Variants in SS18L2 observed in about 807,000 individuals in gnomAD.
The protein encoded by SS18L2 is SS18 like 2, also known as SS18-like protein 2.
A neutral mutation model predicts 10.3 loss-of-function variants in SS18L2; 8 were observed. The observed-to-expected ratio is 0.78, with a 90% CI of 0.46 to 1.41. SS18L2 has a LOEUF of 1.41. Ranked by LOEUF, SS18L2 falls within the 40% of genes most tolerant of loss-of-function variation. SS18L2 has a pLI of 0.00. For missense variants in SS18L2, 100 were observed against 96.2 expected (o/e 1.04, Z -0.17); for synonymous variants, 41 against 34.6 (o/e 1.19, Z -0.65).
chr3:42,588,096 A>G (rs1030548329), upstream of SS18L2, among the ~76,000 whole-genome samples: 1 of 151,002 alleles, frequency 6.6e-6, no homozygotes, highest in Non-Finnish European at 1.5e-5. Context: ...AAAAACAACA[A>G]TAACAACAAC....
At chr3:42,590,763 G>C (rs1194666598), upstream of SS18L2, 11 of 913,098 alleles carry the variant, frequency 1.2e-5, no homozygotes, top group Non-Finnish European at 1.8e-5. Flanking sequence ...TATAGCTCTT[G>C]CGCGTCCAGT....
upstream of SS18L2, among the ~76,000 whole-genome samples, chr3:42,588,408 A>AAAC (rs1434845046): frequency 6.6e-6 from 1 of 152,178 alleles, no homozygotes; most frequent in African/African-American, 2.4e-5. Context: ...TTGTATCAAA[A>AAAC]AACAACAACA....
At chr3:42,591,041 T>C (rs1299196658) in intron 1 of SS18L2, 75 bp downstream of exon 1, 4 of 1,481,706 alleles carry the variant, frequency 2.7e-6, no homozygotes, top group Middle Eastern at 2.3e-4. Flanking sequence ...GCGAGAAGCA[T>C]CCTGTAGTGA....
upstream of SS18L2, chr3:42,590,722 T>G: frequency 1.4e-6 from 1 of 702,280 alleles, no homozygotes; most frequent in African/African-American, 1.8e-5. Flanking sequence ...CCCCCGGCGT[T>G]CTGGGGGCTG....
rs1045915751 is a variant in SS18L2 at position 42,596,398 on chromosome 3, C to T, written c.*1889C>T. Among the ~76,000 whole-genome samples, 1 of 152,172 alleles carries T rather than the reference C, an allele frequency of 6.6e-6. No individual in the cohort carries two copies. The highest frequency in any genetic ancestry group is 2.4e-5 in the African/African-American group (1 of 41,428). On this transcript the variant is annotated 3_prime_UTR_variant, in exon 3 of 3. Coordinates refer to ENST00000011691, the MANE Select transcript of SS18L2 (RefSeq NM_001370300.1). Reference sequence around the variant, plus strand: ...CCTGATGGTTTTCCAGAGTCCTATCCCCTGAAGTTCTAATTGCTGGCATAA... The same window carrying T: ...CCTGATGGTTTTCCAGAGTCCTATCTCCTGAAGTTCTAATTGCTGGCATAA...
chr3:42,584,124 TATAG>T (rs1481299423), intron 1 of SS18L2, among the ~76,000 whole-genome samples: 2 of 152,194 alleles, frequency 1.3e-5, no homozygotes, highest in Non-Finnish European at 2.9e-5. Context: ...CCCATATATC[TATAG>T]ATATAGATCT....
upstream of SS18L2, among the ~76,000 whole-genome samples, chr3:42,586,801 C>T (rs552683798): frequency 6.6e-6 from 1 of 152,320 alleles, no homozygotes; most frequent in African/African-American, 2.4e-5. Context: ...GCCTTTGTCC[C>T]TGAGTTTCAG....
chr3:42,589,555 G>T (rs1415779529), upstream of SS18L2, among the ~76,000 whole-genome samples: 8 of 152,216 alleles, frequency 5.3e-5, no homozygotes, highest in Admixed American at 3.9e-4. Flanking sequence ...GAGGTGAGCA[G>T]AGGGCGGATA....
At position 42,590,882 on chromosome 3, in the gene SS18L2, C is replaced by G. The variant is rs1278524440; in HGVS notation, c.-16C>G. On this transcript the variant is annotated 5_prime_UTR_variant, in exon 1 of 3. Coordinates refer to ENST00000011691, the MANE Select transcript of SS18L2 (RefSeq NM_001370300.1). ...GTCGAGTTGCTTGGCGGTCGTGGTT[C>G]CGGAGGTTCCTCGGGATGTCGGTGG... 5.7e-6 allele frequency: 9 copies of G among 1,584,724 alleles called. No individual in the cohort carries two copies. The highest frequency in any genetic ancestry group is 2.7e-5 in the African/African-American group (2 of 73,860).
Position 42,595,391 on chromosome 3 carries a change from A to G in SS18L2, c.*882A>G, listed in dbSNP as rs890768038. On this transcript the variant is annotated 3_prime_UTR_variant, in exon 3 of 3. Coordinates refer to ENST00000011691, the MANE Select transcript of SS18L2 (RefSeq NM_001370300.1). ...GTAGTGTTGTTAATTATGTGCCACTATCATCCACTTTTCCTGTAAACTAGT... is the reference window on the plus strand; with the variant it reads ...GTAGTGTTGTTAATTATGTGCCACTGTCATCCACTTTTCCTGTAAACTAGT... Among the ~76,000 whole-genome samples the G allele has an allele frequency of 8.5e-5, 13 of 152,220 alleles. No homozygotes were observed. Among genetic ancestry groups the G allele is most frequent in the Non-Finnish European group, 1.9e-4 (13 of 68,042 alleles).
chr3:42,590,936 G>A lies in SS18L2; in HGVS notation c.39G>A (p.Lys13=), dbSNP rs778676148. ...TCGTACCGGACTGGCTGAGGGGCAAGGCGGAAGTCAATCAAGAGACTATCC... is the reference window on the plus strand; with the variant it reads ...TCGTACCGGACTGGCTGAGGGGCAAAGCGGAAGTCAATCAAGAGACTATCC... ...VAFVPDWLRG[K]AEVNQETIQR... The change falls in exon 1 of 3, where the codon AAG becomes AAA. Residue 13 remains lysine (K), a synonymous_variant. Coordinates refer to ENST00000011691, the MANE Select transcript of SS18L2 (RefSeq NM_001370300.1). 44 of 1,612,336 alleles carry A rather than the reference G, an allele frequency of 2.7e-5. No homozygotes were observed. The Admixed American group carries it at 7.2e-4, about 26-fold the overall frequency.
At chr3:42,590,704 C>T, upstream of SS18L2, 2 of 649,384 alleles carry the variant, frequency 3.1e-6, no homozygotes, top group African/African-American at 1.8e-5. Flanking sequence ...GCAAAGGATA[C>T]GAAAACGCCC....
At chr3:42,590,761 T>C (rs1704794423), upstream of SS18L2, 3 of 905,026 alleles carry the variant, frequency 3.3e-6, no homozygotes, top group South Asian at 1.3e-5. Flanking sequence ...AGTATAGCTC[T>C]TGCGCGTCCA....
intron 1 of SS18L2, 199 bp from the exon 2 acceptor site, chr3:42,591,326 G>A (rs1423566348): frequency 1.7e-5 from 10 of 595,292 alleles, no homozygotes; most frequent in Non-Finnish European, 2.4e-5. Context: ...AGCCTCCTGA[G>A]TAGCTGGGAT....
At chr3:42,591,136 A>G (rs1704820053) in intron 1 of SS18L2, 170 bp downstream of exon 1, 2 of 703,136 alleles carry the variant, frequency 2.8e-6, no homozygotes, top group Admixed American at 4.5e-5. Flanking sequence ...GCGCCGGGGC[A>G]GGACCCCGGC....
At chr3:42,584,753 T>G (rs371190901) in intron 1 of SS18L2, among the ~76,000 whole-genome samples, 13 of 152,118 alleles carry the variant, frequency 8.5e-5, no homozygotes, top group African/African-American at 3.1e-4. Flanking sequence ...TGAGGGTAGG[T>G]CATAACAGGC....
In SS18L2 at chr3:42,596,400, C is replaced by T. The variant is rs1028778310; in HGVS notation, c.*1891C>T. On this transcript the variant is annotated 3_prime_UTR_variant, in exon 3 of 3. Transcript: ENST00000011691. ...TGATGGTTTTCCAGAGTCCTATCCCCTGAAGTTCTAATTGCTGGCATAATC... is the reference window on the plus strand; with the variant it reads ...TGATGGTTTTCCAGAGTCCTATCCCTTGAAGTTCTAATTGCTGGCATAATC... 6.6e-6 allele frequency among the ~76,000 whole-genome samples: 1 copy of T among 152,198 alleles called. No homozygotes were observed. The highest frequency in any genetic ancestry group is 2.1e-4 in the South Asian group (1 of 4,832).
At chr3:42,589,661 A>T (rs1281527869), upstream of SS18L2, among the ~76,000 whole-genome samples, 1 of 152,194 alleles carries the variant, frequency 6.6e-6, no homozygotes, top group Non-Finnish European at 1.5e-5. Context: ...CCCTATTGTG[A>T]ACTGGACTTG....
intron 2 of SS18L2, among the ~76,000 whole-genome samples, chr3:42,592,811 C>T (rs1704895412): frequency 6.6e-6 from 1 of 152,112 alleles, no homozygotes; most frequent in South Asian, 2.1e-4. Flanking sequence ...TTTTCAATTG[C>T]ACAGGCCATG....
Sources: allele counts gnomAD v4.1 joint callset (sites outside exome capture counted in the v4.1 genomes callset), GRCh38; gene constraint gnomAD v4.1.1; transcripts MANE v1.5; gene names NCBI Gene and HGNC (gene_info 2026-07-23, HGNC 2026-07-21).